Variants in CRYBG1 observed in about 807,000 individuals in gnomAD.
CRYBG1 encodes crystallin beta-gamma domain containing 1.
A neutral mutation model predicts 189.2 loss-of-function variants in CRYBG1; 139 were observed. That is an observed-to-expected ratio of 0.73 (90% confidence interval 0.64 to 0.85). The LOEUF is 0.85. Among genes scored for constraint, CRYBG1 ranks in the 40% least tolerant of loss-of-function variants. The pLI is 0.00. For synonymous variants in CRYBG1, 1,023 were observed against 1,017.1 expected (o/e 1.01, Z -0.11); for missense variants, 2,611 against 2,675.8 (o/e 0.98, Z 0.53).
At chr6:106,467,553 G>A (rs1266457285) in intron 2 of CRYBG1, among the ~76,000 whole-genome samples, 1 of 152,116 alleles carries the variant, frequency 6.6e-6, no homozygotes, top group African/African-American at 2.4e-5. Context: ...CTGCTTGCAA[G>A]GACAAATCCA....
intron 1 of CRYBG1, among the ~76,000 whole-genome samples, chr6:106,420,405 A>G (rs1215717328): frequency 6.6e-6 from 1 of 152,192 alleles, no homozygotes; most frequent in East Asian, 1.9e-4. Flanking sequence ...GTAATTACAC[A>G]TTGTCTTGTG....
intron 1 of CRYBG1, among the ~76,000 whole-genome samples, chr6:106,369,549 A>G (rs1769973707): frequency 2.0e-5 from 3 of 152,320 alleles, no homozygotes; most frequent in East Asian, 3.9e-4. Context: ...AAATTTGTTT[A>G]TAAGTAGTAG....
chr6:106,365,299 C>T (rs527950961), intron 1 of CRYBG1, among the ~76,000 whole-genome samples: 14 of 151,946 alleles, frequency 9.2e-5, no homozygotes, highest in East Asian at 1.9e-4. Flanking sequence ...TGGTGGCGGA[C>T]GCCTGTAATC....
intron 2 of CRYBG1, among the ~76,000 whole-genome samples, chr6:106,474,414 T>G (rs1233136092): frequency 6.6e-6 from 1 of 152,246 alleles, no homozygotes; most frequent in Non-Finnish European, 1.5e-5. Context: ...CATATTTGTA[T>G]AGTTATGTTT....
intron 17 of CRYBG1, 75 bp downstream of exon 17, chr6:106,555,972 C>A: frequency 1.3e-6 from 2 of 1,529,560 alleles, no homozygotes; most frequent in Non-Finnish European, 1.8e-6. Context: ...AGGTAACCAG[C>A]CGGTAGAACC....
chr6:106,518,773 C>T (rs948641470), intron 3 of CRYBG1, among the ~76,000 whole-genome samples: 2 of 152,004 alleles, frequency 1.3e-5, no homozygotes, highest in South Asian at 2.1e-4. Context: ...GCCTGGGTGA[C>T]ATAGACCCCA....
Position 106,518,984 on chromosome 6 carries a change from CACACACAT to C in CRYBG1, c.1923-139_1923-132del, listed in dbSNP as rs1167456048. The C allele has an allele frequency of 6.3e-3, 2,895 of 460,414 alleles. 15 individuals are homozygous for C. The highest frequency in any genetic ancestry group is 0.027 in the African/African-American group (964 of 36,038). 28.5% of individuals were successfully genotyped at this position (460,414 alleles called of 1,614,324 possible). The stretch of plus-strand genomic sequence containing the variant: ...AAAAACACATGTGTGCGCACACACA[CACACACAT>C]ACACACACACACACACCACACTCCA... On this transcript the variant is annotated intron_variant, in intron 3 of 21. Transcript: ENST00000633556.
chr6:106,421,707 C>G (rs1771126498), intron 1 of CRYBG1, among the ~76,000 whole-genome samples: 2 of 152,138 alleles, frequency 1.3e-5, no homozygotes, highest in Admixed American at 1.3e-4. Context: ...CCATTTTTGG[C>G]ATCCACAGCT....
chr6:106,511,551 A>C lies in CRYBG1; in HGVS notation c.434A>C (p.Asn145Thr). Residue 145 changes from asparagine to threonine, a missense_variant, in exon 3 of 22, where the codon AAT (asparagine) becomes ACT (threonine). This residue lies in a region of CRYBG1 where 985 missense variants were observed against 924.4 expected (regional missense o/e 1.07). Coordinates refer to ENST00000633556, the MANE Select transcript of CRYBG1 (RefSeq NM_001371242.2). ...GGGTTAGAGAGTCCCACCAGATCAA[A>C]TGCCAAACCACTCTCTCCCAAAGAT... Reference protein sequence around the residue: ...RNGLESPTRSNAKPLSPKDVV... With the variant: ...RNGLESPTRSTAKPLSPKDVV... 1 of 1,535,796 alleles carries C rather than the reference A, an allele frequency of 6.5e-7. No homozygotes were observed. Among genetic ancestry groups the C allele is most frequent in the African/African-American group, 1.4e-5 (1 of 73,150 alleles).
chr6:106,449,287 A>G (rs967624804), intron 1 of CRYBG1: 2 of 152,206 alleles, frequency 1.3e-5, no homozygotes, highest in African/African-American at 4.8e-5. Context: ...GAGTCAGTCA[A>G]TGGGCACATA....
At chr6:106,433,679 T>C (rs2114408045) in intron 1 of CRYBG1, among the ~76,000 whole-genome samples, 1 of 146,052 alleles carries the variant, frequency 6.8e-6, no homozygotes, top group South Asian at 2.2e-4. Context: ...AGATTGCATC[T>C]GACAGTTTTT....
At chr6:106,525,669 T>C (rs759987121) in intron 6 of CRYBG1, among the ~76,000 whole-genome samples, 5 of 152,190 alleles carry the variant, frequency 3.3e-5, no homozygotes, top group Admixed American at 6.5e-5. Context: ...GGACTAGTCA[T>C]ATATCAGGGC....
chr6:106,464,417 C>T (rs1391220417), intron 2 of CRYBG1, among the ~76,000 whole-genome samples: 6 of 150,088 alleles, frequency 4.0e-5, no homozygotes, highest in East Asian at 2.0e-4. Context: ...TGCTTGAACC[C>T]GGGAGGCAGA....
At chr6:106,496,945 C>T (rs7760555) in intron 2 of CRYBG1, among the ~76,000 whole-genome samples, 121,247 of 152,200 alleles carry the variant, frequency 0.8, 49,125 homozygotes, top group African/African-American at 0.95. Flanking sequence ...CTTGTCCACC[C>T]CAAGCCTGTA....
chr6:106,467,665 T>A (rs970086488), intron 2 of CRYBG1, among the ~76,000 whole-genome samples: 2 of 150,816 alleles, frequency 1.3e-5, no homozygotes, highest in African/African-American at 4.9e-5. Context: ...ATTTAGAATA[T>A]CATAAGAACA....
At chr6:106,439,127 A>G (rs1771523779) in intron 1 of CRYBG1, among the ~76,000 whole-genome samples, 2 of 151,918 alleles carry the variant, frequency 1.3e-5, no homozygotes, top group Admixed American at 1.3e-4. Context: ...TCTTTTAAAG[A>G]AAAAAACGGA....
intron 2 of CRYBG1, among the ~76,000 whole-genome samples, chr6:106,475,896 C>T (rs2114473408): frequency 6.6e-6 from 1 of 152,282 alleles, no homozygotes; most frequent in East Asian, 1.9e-4. Context: ...TGTCACAGAA[C>T]TTAAAACTCC....
intron 1 of CRYBG1, among the ~76,000 whole-genome samples, chr6:106,416,360 G>T (rs1269545216): frequency 6.6e-6 from 1 of 152,212 alleles, no homozygotes; most frequent in Non-Finnish European, 1.5e-5. Context: ...GTTTACAGCA[G>T]CAGGGAGAGA....
In CRYBG1 at chr6:106,544,782, C is replaced by T. The variant is rs1774225466; in HGVS notation, c.5167-6C>T. 3.1e-6 allele frequency: 5 copies of T among 1,600,636 alleles called. No homozygotes were observed. In the East Asian group the frequency reaches 1.1e-4, roughly 36 times the overall value. On this transcript the variant is annotated splice_region_variant and splice_polypyrimidine_tract_variant and intron_variant, in intron 12 of 21. Coordinates refer to ENST00000633556, the MANE Select transcript of CRYBG1 (RefSeq NM_001371242.2). ...CCTTTGAATTTTGAATTTTTTTTCT[C>T]AATAGGATTTTTCAAATGCTCACAT...
Sources: allele counts gnomAD v4.1 joint callset (sites outside exome capture counted in the v4.1 genomes callset), GRCh38; gene constraint gnomAD v4.1.1; regional missense constraint gnomAD v4.1.1; transcripts MANE v1.5; gene names NCBI Gene and HGNC (gene_info 2026-07-23, HGNC 2026-07-21).